GHR: variants seen among roughly 807,000 people sequenced by gnomAD.
The protein encoded by GHR is GH receptor.
In GHR, 35 loss-of-function variants were observed where a neutral mutation model predicts 67.1. The ratio of observed to expected loss-of-function variants is 0.52; its 90% CI spans 0.40 to 0.69. The LOEUF is 0.69. Ranked by LOEUF, GHR falls within the 30% of genes least tolerant of loss-of-function variation. The probability of loss-of-function intolerance (pLI) is 0.00; values close to 1 mark genes in which losing one functional copy is unlikely to be tolerated. For synonymous variants in GHR, 272 were observed against 269.1 expected, an observed-to-expected ratio of 1.01 and a Z score of -0.10; for missense variants, 792 against 764.6, an observed-to-expected ratio of 1.04 and a Z score of -0.42.
chr5:42,712,163 A>G lies in GHR; in HGVS notation c.784+791A>G, dbSNP rs142429555. On this transcript the variant is annotated intron_variant, in intron 7 of 9. Transcript: ENST00000230882. ...TATGTTTGTTAATGAAACAACCACA[A>G]GCTACATAGAAAATAAATTTATATT... 1.5e-3 allele frequency among the ~76,000 whole-genome samples: 221 copies of G among 152,254 alleles called. 1 individual carries two copies. Among genetic ancestry groups the G allele is most frequent in the African/African-American group, 5.2e-3 (216 of 41,556 alleles).
At chr5:42,587,329 CAGAGGGATAGATGGGCTAAA>C (rs1299671205) in intron 2 of GHR, among the ~76,000 whole-genome samples, 2 of 152,328 alleles carry the variant, frequency 1.3e-5, no homozygotes, top group East Asian at 3.9e-4. Flanking sequence ...GCAACCATCT[CAGAGGGATAGATGGGCTAAA>C]AGACAAGGAA....
chr5:42,686,553 C>G (rs2111637283), intron 3 of GHR, among the ~76,000 whole-genome samples: 1 of 152,264 alleles, frequency 6.6e-6, no homozygotes, highest in East Asian at 1.9e-4. Flanking sequence ...TAATCCATCA[C>G]AGAAACAGAA....
intron 2 of GHR, among the ~76,000 whole-genome samples, chr5:42,608,614 A>C (rs1752741563): frequency 6.6e-6 from 1 of 152,204 alleles, no homozygotes; most frequent in Non-Finnish European, 1.5e-5. Context: ...AGAAGATTGA[A>C]AGACACTAAT....
chr5:42,429,652 A>C (rs1743004901), intron 1 of GHR, among the ~76,000 whole-genome samples: 1 of 152,226 alleles, frequency 6.6e-6, no homozygotes, highest in African/African-American at 2.4e-5. Flanking sequence ...ATGTACTATA[A>C]ATTTATGGAA....
chr5:42,583,364 A>T (rs1310053523), intron 2 of GHR, among the ~76,000 whole-genome samples: 1 of 139,792 alleles, frequency 7.2e-6, no homozygotes, highest in Non-Finnish European at 1.5e-5. Context: ...AGGCCCTTGC[A>T]CCCCCATTAC....
At chr5:42,496,606 C>G (rs1350281159) in intron 1 of GHR, among the ~76,000 whole-genome samples, 2 of 152,086 alleles carry the variant, frequency 1.3e-5, no homozygotes, top group Non-Finnish European at 2.9e-5. Flanking sequence ...TCTTGTCCCA[C>G]AGAATACTTG....
intron 6 of GHR, among the ~76,000 whole-genome samples, chr5:42,706,845 G>A (rs530906542): frequency 3.3e-5 from 5 of 151,802 alleles, no homozygotes; most frequent in Non-Finnish European, 7.4e-5. Context: ...ATTCTTTTTA[G>A]TTAGGATTGC....
At chr5:42,585,620 A>T (rs1751435440) in intron 2 of GHR, among the ~76,000 whole-genome samples, 1 of 152,252 alleles carries the variant, frequency 6.6e-6, no homozygotes, top group South Asian at 2.1e-4. Context: ...TTTTTGTCAT[A>T]GATTACTTGT....
chr5:42,647,940 A>C (rs1754826213), intron 3 of GHR: 1 of 165,708 alleles, frequency 6.0e-6, no homozygotes, highest in Non-Finnish European at 1.3e-5. Context: ...CTGAGGTGTT[A>C]ATGACATTAT....
intron 1 of GHR, among the ~76,000 whole-genome samples, chr5:42,505,112 G>A (rs895766015): frequency 6.8e-6 from 1 of 146,346 alleles, no homozygotes; most frequent in African/African-American, 2.5e-5. Flanking sequence ...CATGTTGGGA[G>A]CTGTTGACTG....
At chr5:42,718,011 G>A (rs778068857) in intron 8 of GHR, 41 bp from the exon 9 acceptor site, 1 of 901,382 alleles carries the variant, frequency 1.1e-6, no homozygotes, top group South Asian at 1.3e-5. Flanking sequence ...AGAATATGTA[G>A]CTTTTAAGAT....
intron 2 of GHR, among the ~76,000 whole-genome samples, chr5:42,610,489 T>A (rs943992947): frequency 6.6e-6 from 1 of 152,152 alleles, no homozygotes; most frequent in Non-Finnish European, 1.5e-5. Flanking sequence ...ATTCTGGGAA[T>A]GCAGGGTTTG....
At chr5:42,427,694 C>T (rs1388474164) in intron 1 of GHR, among the ~76,000 whole-genome samples, 1 of 152,148 alleles carries the variant, frequency 6.6e-6, no homozygotes, top group Non-Finnish European at 1.5e-5. Flanking sequence ...TCACCTGAAC[C>T]AAGGCAAGTC....
At chr5:42,468,223 G>C in intron 1 of GHR, 1 of 1,505,888 alleles carries the variant, frequency 6.6e-7, no homozygotes, top group Non-Finnish European at 9.2e-7. Flanking sequence ...TTGTTGGCTG[G>C]ATGCCTGATC....
At chr5:42,703,394 T>G (rs1758024624) in intron 6 of GHR, among the ~76,000 whole-genome samples, 1 of 152,062 alleles carries the variant, frequency 6.6e-6, no homozygotes, top group South Asian at 2.1e-4. Flanking sequence ...GAACACTTTA[T>G]TCTTTTACAT....
In GHR at chr5:42,539,362, T is replaced by C. The variant is rs145250476; in HGVS notation, c.-11-26502T>C. Among the ~76,000 whole-genome samples the C allele has an allele frequency of 1.7e-3, 258 of 152,328 alleles. 7 individuals are homozygous for C. Among genetic ancestry groups the C allele is most frequent in the South Asian group, 3.3e-3 (16 of 4,826 alleles). ...GAAGGCTGTTGTTCAGATTCTTTTG[T>C]CCCTTAATGTAGTACTCTCCCTATT... On this transcript the variant is annotated intron_variant, in intron 1 of 9. Coordinates refer to ENST00000230882, the MANE Select transcript of GHR (RefSeq NM_000163.5).
At chr5:42,652,833 G>A (rs1755075087) in intron 3 of GHR, among the ~76,000 whole-genome samples, 1 of 152,128 alleles carries the variant, frequency 6.6e-6, no homozygotes, top group Non-Finnish European at 1.5e-5. Flanking sequence ...TGTGGACCCT[G>A]ATTCAAATCC....
intron 3 of GHR, among the ~76,000 whole-genome samples, chr5:42,685,368 A>G (rs929934589): frequency 1.3e-5 from 2 of 152,148 alleles, no homozygotes; most frequent in African/African-American, 4.8e-5. Flanking sequence ...GTTGGTTCCA[A>G]GTCCTTGCTA....
chr5:42,554,973 A>C (rs966014561), intron 1 of GHR, among the ~76,000 whole-genome samples: 3 of 152,148 alleles, frequency 2.0e-5, no homozygotes, highest in African/African-American at 4.8e-5. Context: ...TATTAAAGCT[A>C]TTAACAATGA....
Sources: allele counts gnomAD v4.1 joint callset (sites outside exome capture counted in the v4.1 genomes callset), GRCh38; gene constraint gnomAD v4.1.1; transcripts MANE v1.5; gene names NCBI Gene and HGNC (gene_info 2026-07-23, HGNC 2026-07-21).